ARK2C: variants seen among roughly 807,000 people sequenced by gnomAD.
ARK2C encodes the protein arkadia (RNF111) C-terminal like ring finger ubiquitin ligase 2C, also known as E3 ubiquitin-protein ligase ARK2C.
At chr18:46,427,844 G>A in the ARK2C span, among the ~76,000 whole-genome samples, 17 of 152,216 alleles carry the variant, frequency 1.1e-4, no homozygotes, top group African/African-American at 3.4e-4. Context: ...TGGGAGAGAA[G>A]GGAGTTCTCA....
At chr18:46,426,605 A>G in the ARK2C span, among the ~76,000 whole-genome samples, 8 of 152,168 alleles carry the variant, frequency 5.3e-5, no homozygotes, top group African/African-American at 1.9e-4. Flanking sequence ...CTCCTGGCCA[A>G]TTCTCAGGTG....
chr18:46,371,599 C>T, the ARK2C span, among the ~76,000 whole-genome samples: 2 of 152,234 alleles, frequency 1.3e-5, no homozygotes, highest in Non-Finnish European at 2.9e-5. Flanking sequence ...GAAGCCCCCA[C>T]CTGGGCACCT....
the ARK2C span, among the ~76,000 whole-genome samples, chr18:46,392,380 C>T: frequency 6.6e-6 from 1 of 152,236 alleles, no homozygotes; most frequent in Non-Finnish European, 1.5e-5. Context: ...GGTGTCCACT[C>T]TGTAAGCTCC....
chr18:46,373,944 C>T, the ARK2C span, among the ~76,000 whole-genome samples: 6 of 152,098 alleles, frequency 3.9e-5, no homozygotes, highest in East Asian at 3.9e-4. Context: ...ACAGTTGCTC[C>T]GACAAAGGGG....
the ARK2C span, among the ~76,000 whole-genome samples, chr18:46,338,230 A>C: frequency 6.6e-6 from 1 of 152,208 alleles, no homozygotes; most frequent in Non-Finnish European, 1.5e-5. Flanking sequence ...CTGGAATTTT[A>C]AAGTACCCTC....
At chr18:46,370,909 A>T in the ARK2C span, among the ~76,000 whole-genome samples, 1 of 152,184 alleles carries the variant, frequency 6.6e-6, no homozygotes, top group African/African-American at 2.4e-5. Flanking sequence ...GGATGGGCAC[A>T]TTGTGGGAGA....
chr18:46,393,199 A>G, the ARK2C span, among the ~76,000 whole-genome samples: 4 of 152,224 alleles, frequency 2.6e-5, no homozygotes, highest in African/African-American at 9.6e-5. Context: ...GGGCATTGTG[A>G]TATGAATTCT....
chr18:46,460,844 T>A, the ARK2C span: 1 of 152,610 alleles, frequency 6.6e-6, no homozygotes, highest in Non-Finnish European at 1.5e-5. Flanking sequence ...AGCACATATA[T>A]AAATATAATT....
chr18:46,446,506 A>G, the ARK2C span, among the ~76,000 whole-genome samples: 1 of 151,880 alleles, frequency 6.6e-6, no homozygotes, highest in Admixed American at 6.6e-5. Flanking sequence ...CCCCATCTCT[A>G]CTAAAACTAC....
chr18:46,344,456 C>T, the ARK2C span, among the ~76,000 whole-genome samples: 12 of 151,972 alleles, frequency 7.9e-5, no homozygotes, highest in African/African-American at 2.4e-4. Context: ...TGCCTGTGCC[C>T]GAGGACCACC....
chr18:46,339,205 C>T, the ARK2C span, among the ~76,000 whole-genome samples: 2 of 152,270 alleles, frequency 1.3e-5, no homozygotes, highest in African/African-American at 2.4e-5. Flanking sequence ...AGAAAGCCTC[C>T]AATCCAACCT....
chr18:46,340,071 T>G, the ARK2C span, among the ~76,000 whole-genome samples: 1 of 152,238 alleles, frequency 6.6e-6, no homozygotes, highest in Non-Finnish European at 1.5e-5. Flanking sequence ...GTTCCCTCAA[T>G]CCTACTCCAC....
At chr18:46,439,867 T>A in the ARK2C span, among the ~76,000 whole-genome samples, 1 of 152,224 alleles carries the variant, frequency 6.6e-6, no homozygotes, top group Admixed American at 6.5e-5. Context: ...AGTCTCGCTC[T>A]GTCGCCAGGC....
the ARK2C span, among the ~76,000 whole-genome samples, chr18:46,455,558 C>T: frequency 9.9e-5 from 15 of 152,088 alleles, no homozygotes; most frequent in Admixed American, 3.9e-4. Context: ...ACTTTATGGC[C>T]GGGCAAGGTG....
the ARK2C span, among the ~76,000 whole-genome samples, chr18:46,446,468 C>T: frequency 6.6e-6 from 1 of 151,828 alleles, no homozygotes; most frequent in Admixed American, 6.6e-5. Context: ...GTCAGGAGTT[C>T]AAGACCAGCC....
chr18:46,383,023 G>A, the ARK2C span, among the ~76,000 whole-genome samples: 1 of 152,354 alleles, frequency 6.6e-6, no homozygotes, highest in South Asian at 2.1e-4. Flanking sequence ...GCACCCCCTA[G>A]CCTGCTGGGC....
At chr18:46,454,110 C>CAAAAAAAA in the ARK2C span, among the ~76,000 whole-genome samples, 9 of 16,626 alleles carry the variant, frequency 5.4e-4, no homozygotes, top group African/African-American at 8.1e-4. Context: ...AAGGCCGTCT[C>CAAAAAAAA]AAAAAAAAAA....
At chr18:46,336,389 A>C in the ARK2C span, 8,325 of 985,378 alleles carry the variant, frequency 8.4e-3, 76 homozygotes, top group Admixed American at 0.061. Flanking sequence ...CCCAACAAAA[A>C]AAAATCCAAC....
the ARK2C span, among the ~76,000 whole-genome samples, chr18:46,424,887 C>G: frequency 1.3e-5 from 2 of 152,248 alleles, no homozygotes; most frequent in African/African-American, 4.8e-5. Context: ...CCTCTGTGGG[C>G]AGAGACCTGC....
Sources: allele counts gnomAD v4.1 joint callset (sites outside exome capture counted in the v4.1 genomes callset), GRCh38; gene constraint gnomAD v4.1.1; transcripts MANE v1.5; gene names NCBI Gene and HGNC (gene_info 2026-07-23, HGNC 2026-07-21).